Variants in MED13L observed in about 807,000 individuals in gnomAD.
The protein encoded by MED13L is mediator complex subunit 13L, also known as mediator of RNA polymerase II transcription subunit 13-like.
A neutral mutation model predicts 220.9 loss-of-function variants in MED13L; 7 were observed. The ratio of observed to expected loss-of-function variants is 0.03; its 90% CI spans 0.02 to 0.06. MED13L has a LOEUF of 0.06. MED13L is among the 10% of genes least tolerant of loss of function. The pLI, the probability that MED13L is intolerant of heterozygous loss-of-function variation, is 1.00. For missense variants in MED13L, 1,965 were observed against 2,760.5 expected (o/e 0.71, Z 6.46); for synonymous variants, 1,011 against 1,015.2 (o/e 1.00, Z 0.08).
At chr12:116,168,429 C>T (rs1879444889) in intron 2 of MED13L, among the ~76,000 whole-genome samples, 1 of 151,862 alleles carries the variant, frequency 6.6e-6, no homozygotes, top group Non-Finnish European at 1.5e-5. Flanking sequence ...CAGAAATTCA[C>T]TACTGTGAAT....
chr12:116,219,999 C>T (rs1482067316), intron 2 of MED13L, among the ~76,000 whole-genome samples: 1 of 151,916 alleles, frequency 6.6e-6, no homozygotes, highest in African/African-American at 2.4e-5. Flanking sequence ...GTTTCACCAT[C>T]TTGGCCAGGC....
At chr12:116,125,288 AGT>A (rs1875482916) in intron 2 of MED13L, among the ~76,000 whole-genome samples, 2 of 152,240 alleles carry the variant, frequency 1.3e-5, no homozygotes, top group African/African-American at 2.4e-5. Flanking sequence ...TGGGCACTAC[AGT>A]GTGATCCCAT....
At chr12:115,989,961 T>C (rs1011193960) in intron 17 of MED13L, among the ~76,000 whole-genome samples, 3 of 152,234 alleles carry the variant, frequency 2.0e-5, no homozygotes, top group Non-Finnish European at 4.4e-5. Context: ...ACTACACAAA[T>C]CTGACATCAG....
intron 15 of MED13L, 60 bp downstream of exon 15, chr12:115,996,950 T>C: frequency 6.7e-7 from 1 of 1,495,080 alleles, no homozygotes; most frequent in Admixed American, 1.7e-5. Flanking sequence ...TTAAAGCAGA[T>C]GTATGTGAAT....
chr12:116,236,383 A>C (rs1420468543), intron 2 of MED13L, among the ~76,000 whole-genome samples: 2 of 152,166 alleles, frequency 1.3e-5, no homozygotes, highest in Non-Finnish European at 2.9e-5. Flanking sequence ...ACAGATAAAA[A>C]ATGGCTGCCA....
intron 4 of MED13L, among the ~76,000 whole-genome samples, chr12:116,067,013 AATG>A (rs1349144532): frequency 6.6e-6 from 1 of 152,180 alleles, no homozygotes; most frequent in African/African-American, 2.4e-5. Flanking sequence ...GTGATGAGAA[AATG>A]ATGAATGTTT....
chr12:116,017,938 C>CTT (rs1006266658), intron 7 of MED13L, among the ~76,000 whole-genome samples: 1 of 144,456 alleles, frequency 6.9e-6, no homozygotes, highest in African/African-American at 2.5e-5. Context: ...TTCTTTTCTT[C>CTT]TTTTTTTTTT....
At chr12:115,996,827 A>T in intron 15 of MED13L, 146 bp from the exon 16 acceptor site, 3 of 1,036,048 alleles carry the variant, frequency 2.9e-6, no homozygotes, top group Non-Finnish European at 4.4e-6. Flanking sequence ...GCTAATGCAG[A>T]AATGTTAAAT....
chr12:116,273,926 CTT>C (rs1157711064), intron 1 of MED13L, among the ~76,000 whole-genome samples: 1 of 152,180 alleles, frequency 6.6e-6, no homozygotes, highest in East Asian at 1.9e-4. Flanking sequence ...CACTGTTACA[CTT>C]TTCAAAAAGG....
intron 4 of MED13L, among the ~76,000 whole-genome samples, chr12:116,090,108 C>G (rs185857469): frequency 4.1e-4 from 62 of 152,246 alleles, no homozygotes; most frequent in Admixed American, 7.2e-4. Flanking sequence ...TATGAGTAAA[C>G]TGAACAGTAC....
chr12:116,111,605 T>C, intron 2 of MED13L, 93 bp from the exon 3 acceptor site: 1 of 925,576 alleles, frequency 1.1e-6, no homozygotes, highest in East Asian at 2.5e-5. Flanking sequence ...AAAGCAAAGT[T>C]CATGAGTTAA....
chr12:116,139,103 T>A (rs1440655746), intron 2 of MED13L, among the ~76,000 whole-genome samples: 1 of 152,168 alleles, frequency 6.6e-6, no homozygotes, highest in Non-Finnish European at 1.5e-5. Context: ...CACTGAACTT[T>A]CACTAGAAAA....
intron 4 of MED13L, among the ~76,000 whole-genome samples, chr12:116,080,251 G>C (rs1275880405): frequency 6.6e-6 from 1 of 152,194 alleles, no homozygotes; most frequent in African/African-American, 2.4e-5. Context: ...TGGATAAACA[G>C]AGTAGAGAAT....
intron 2 of MED13L, among the ~76,000 whole-genome samples, chr12:116,185,685 TTTCTTTTCTTTTCTTTTC>T (rs1880845394): frequency 1.1e-5 from 1 of 94,614 alleles, no homozygotes; most frequent in Admixed American, 9.8e-5. Context: ...TTTCTTTTCT[TTTCTTTTCTTTTCTTTTC>T]TTTTCTTTTC....
At chr12:116,185,153 T>TA (rs150024806) in intron 2 of MED13L, among the ~76,000 whole-genome samples, 2,406 of 152,270 alleles carry the variant, frequency 0.016, 38 homozygotes, top group Middle Eastern at 0.031. Flanking sequence ...TCGTAACTAG[T>TA]AAAAATCAGG....
At chr12:116,072,576 T>A (rs1411243824) in intron 4 of MED13L, among the ~76,000 whole-genome samples, 1 of 152,152 alleles carries the variant, frequency 6.6e-6, no homozygotes, top group Non-Finnish European at 1.5e-5. Context: ...CTAAACCTCC[T>A]CAGTAGCTGG....
At chr12:116,208,829 G>A (rs750991291) in intron 2 of MED13L, among the ~76,000 whole-genome samples, 2 of 152,126 alleles carry the variant, frequency 1.3e-5, no homozygotes, top group African/African-American at 4.8e-5. Flanking sequence ...AATTAGCCAC[G>A]CATGGTGGTG....
Position 115,966,113 on chromosome 12 carries a change from T to C in MED13L, c.6356A>G (p.Gln2119Arg), listed in dbSNP as rs1565982593. 6.2e-7 allele frequency: 1 copy of C among 1,614,150 alleles called. No homozygotes were observed. Residue 2119 changes from glutamine (Q) to arginine (R), a missense_variant, in exon 29 of 31, where the codon CAG becomes CGG. Gln to Arg is a conservative substitution (Grantham distance 43). Around this residue, in one of 10 missense-constraint regions of MED13L, gnomAD observed 145 missense variants for 328.3 expected, o/e 0.44. Coordinates refer to ENST00000281928, the MANE Select transcript of MED13L (RefSeq NM_015335.5). The part of the protein sequence containing the change: ...LPQWFWSSCP[Q>R]AQNQCPLFLK... ...GAAGAGAGGGCACTGGTTTTGAGCCTGGGGACACGATGACCAAAACCACTG... is the reference window on the plus strand; with the variant it reads ...GAAGAGAGGGCACTGGTTTTGAGCCCGGGGACACGATGACCAAAACCACTG...
At chr12:116,093,441 C>T (rs1213563112) in intron 4 of MED13L, among the ~76,000 whole-genome samples, 1 of 151,908 alleles carries the variant, frequency 6.6e-6, no homozygotes, top group Non-Finnish European at 1.5e-5. Context: ...TCCTGAACAT[C>T]AACTCATATC....
Sources: allele counts gnomAD v4.1 joint callset (sites outside exome capture counted in the v4.1 genomes callset), GRCh38; gene constraint gnomAD v4.1.1; regional missense constraint gnomAD v4.1.1; transcripts MANE v1.5; gene names NCBI Gene and HGNC (gene_info 2026-07-23, HGNC 2026-07-21).